Variants in ATP2B2 observed in about 807,000 individuals in gnomAD.
The protein encoded by ATP2B2 is plasma membrane calcium-transporting ATPase 2.
ATP2B2 carries 15 observed loss-of-function variants against 120.0 expected under a neutral mutation model. The ratio of observed to expected loss-of-function variants is 0.12; its 90% confidence interval spans 0.08 to 0.19. ATP2B2 has a LOEUF of 0.19. ATP2B2 is among the 10% of genes least tolerant of loss of function. The probability of loss-of-function intolerance (pLI) is 1.00; values close to 1 mark genes in which losing one functional copy is unlikely to be tolerated. For synonymous variants in ATP2B2, 694 were observed against 700.3 expected, an observed-to-expected ratio of 0.99 and a Z score of 0.14; for missense variants, 1,045 against 1,719.8, an observed-to-expected ratio of 0.61 and a Z score of 6.94.
intron 1 of ATP2B2, among the ~76,000 whole-genome samples, chr3:10,502,173 C>A (rs141971865): frequency 1.3e-5 from 2 of 152,114 alleles, no homozygotes; most frequent in African/African-American, 4.8e-5. Context: ...CCTTTTTTCC[C>A]TTTCTGATCT....
intron 1 of ATP2B2, among the ~76,000 whole-genome samples, chr3:10,627,532 G>A (rs994379255): frequency 2.0e-5 from 3 of 152,030 alleles, no homozygotes; most frequent in Non-Finnish European, 4.4e-5. Flanking sequence ...TGTGACCCTG[G>A]GCCAGTTCTC....
intron 2 of ATP2B2, among the ~76,000 whole-genome samples, chr3:10,591,249 C>T (rs1029069384): frequency 1.3e-4 from 20 of 152,142 alleles, no homozygotes; most frequent in Non-Finnish European, 7.3e-5. Context: ...GTGCAGTGCA[C>T]ACACAGCCCC....
intron 2 of ATP2B2, among the ~76,000 whole-genome samples, chr3:10,617,387 A>G (rs1251498572): frequency 2.0e-5 from 3 of 152,214 alleles, no homozygotes; most frequent in African/African-American, 7.2e-5. Context: ...AATAAAACCC[A>G]ATCTACCCGC....
At chr3:10,622,700 C>G (rs2069582972) in intron 1 of ATP2B2, among the ~76,000 whole-genome samples, 1 of 152,212 alleles carries the variant, frequency 6.6e-6, no homozygotes, top group Non-Finnish European at 1.5e-5. Flanking sequence ...AGTCAACCAG[C>G]TGAGATGGGG....
chr3:10,354,716 G>A (rs577788690), intron 14 of ATP2B2, among the ~76,000 whole-genome samples: 12 of 152,342 alleles, frequency 7.9e-5, no homozygotes, highest in African/African-American at 2.6e-4. Flanking sequence ...AGGCAATGTG[G>A]AGATTCAACC....
At chr3:10,490,618 C>T (rs542267000) in intron 1 of ATP2B2, among the ~76,000 whole-genome samples, 4 of 152,048 alleles carry the variant, frequency 2.6e-5, no homozygotes, top group Admixed American at 6.5e-5. Flanking sequence ...TGGCTGGTCT[C>T]GAGCTCCTGG....
chr3:10,332,820 C>A (rs2060016716), intron 22 of ATP2B2, among the ~76,000 whole-genome samples: 1 of 152,148 alleles, frequency 6.6e-6, no homozygotes, highest in South Asian at 2.1e-4. Context: ...GGCAGGTCCT[C>A]CCCTCCCACA....
chr3:10,428,268 A>T, intron 2 of ATP2B2, among the ~76,000 whole-genome samples: 1 of 152,242 alleles, frequency 6.6e-6, no homozygotes, highest in East Asian at 1.9e-4. Context: ...TGCTTAGAAC[A>T]GTGTTTGGCA....
chr3:10,667,054 G>A (rs2070959281), intron 1 of ATP2B2, among the ~76,000 whole-genome samples: 1 of 152,212 alleles, frequency 6.6e-6, no homozygotes, highest in Non-Finnish European at 1.5e-5. Context: ...TGGATACCCA[G>A]GAGATCCTGC....
intron 1 of ATP2B2, among the ~76,000 whole-genome samples, chr3:10,469,108 G>A (rs1326214081): frequency 6.6e-6 from 1 of 152,226 alleles, no homozygotes. Flanking sequence ...TGGATGGAGA[G>A]GAACCAGATA....
chr3:10,364,215 G>A (rs1403111602), intron 12 of ATP2B2, among the ~76,000 whole-genome samples: 1 of 152,206 alleles, frequency 6.6e-6, no homozygotes, highest in African/African-American at 2.4e-5. Flanking sequence ...GTGGGTGCCA[G>A]ACATGGGAGG....
At chr3:10,491,831 A>G (rs567674958) in intron 1 of ATP2B2, among the ~76,000 whole-genome samples, 1 of 152,254 alleles carries the variant, frequency 6.6e-6, no homozygotes, top group Non-Finnish European at 1.5e-5. Flanking sequence ...GTCCAATGGT[A>G]AGTCGAGCCA....
At chr3:10,694,272 G>A (rs141445320) in intron 1 of ATP2B2, among the ~76,000 whole-genome samples, 189 of 152,216 alleles carry the variant, frequency 1.2e-3, no homozygotes, top group African/African-American at 4.4e-3. Flanking sequence ...GTACTCAACT[G>A]GACCATCACC....
chr3:10,451,781 C>G (rs561099503), intron 1 of ATP2B2, among the ~76,000 whole-genome samples: 5 of 152,330 alleles, frequency 3.3e-5, no homozygotes, highest in Admixed American at 2.0e-4. Flanking sequence ...ATGGAACACA[C>G]ACCATCCACA....
chr3:10,635,846 AT>A lies in ATP2B2; in HGVS notation c.-459-15886del, dbSNP rs934332792. Among the ~76,000 whole-genome samples, 36 of 152,176 alleles carry A rather than the reference AT, an allele frequency of 2.4e-4. No individual in the cohort carries two copies. Among genetic ancestry groups the A allele is most frequent in the African/African-American group, 8.4e-4 (35 of 41,434 alleles). The stretch of plus-strand genomic sequence containing the variant: ...CACTCCCTGGCCTTAGCTCAAAGAG[AT>A]TCCTGCTGGCAAGGGAGGCTGCAGT... On this transcript the variant is annotated intron_variant, in intron 1 of 21. Transcript: ENST00000646379. The surrounding 1 kb of genome is among the most constrained non-coding windows in gnomAD (Gnocchi z 4.3).
At chr3:10,561,577 T>C (rs920623721) in intron 2 of ATP2B2, among the ~76,000 whole-genome samples, 1 of 152,164 alleles carries the variant, frequency 6.6e-6, no homozygotes, top group African/African-American at 2.4e-5. Context: ...CCAAATCTCA[T>C]CTTGAATTGT....
intron 2 of ATP2B2, among the ~76,000 whole-genome samples, chr3:10,580,495 G>A (rs2068363932): frequency 6.6e-6 from 1 of 152,188 alleles, no homozygotes; most frequent in Admixed American, 6.5e-5. Flanking sequence ...TGTAAGGTCA[G>A]CTTGGCCTGG....
rs1429015679 is a variant in ATP2B2, at chr3:10,329,416, A to C, written c.3421-291T>G. Among the ~76,000 whole-genome samples, 12 of 152,124 alleles carry C rather than the reference A, an allele frequency of 7.9e-5. No homozygotes were observed. ...AGAGATGATGGGGAACAGTGGTTAA[A>C]GGAAGCACAGTCGACTCCTGCGGGC... On this transcript the variant is annotated intron_variant, in intron 22 of 22. Coordinates refer to ENST00000360273, the MANE Select transcript of ATP2B2 (RefSeq NM_001001331.4). This position sits in a 1 kb window ranked among gnomAD's most constrained non-coding sequence, Gnocchi z 5.9.
At chr3:10,539,680 C>G (rs957467678) in intron 2 of ATP2B2, among the ~76,000 whole-genome samples, 3 of 152,178 alleles carry the variant, frequency 2.0e-5, no homozygotes, top group African/African-American at 7.2e-5. Flanking sequence ...AAAGCTGAAA[C>G]TGGATCCCTT....
Sources: gnomAD v4.1 joint callset for allele counts (sites outside exome capture counted in the v4.1 genomes callset) on GRCh38, gnomAD v4.1.1 for gene constraint, Gnocchi (gnomAD v3.1) non-coding constraint, MANE v1.5 for transcripts, NCBI Gene and HGNC (gene_info 2026-07-23, HGNC 2026-07-21) for gene names.